The following ST6GAL1 variants were observed in gnomAD, a reference collection of about 807,000 sequenced individuals.
ST6GAL1 encodes the protein beta-galactoside alpha-2,6-sialyltransferase 1.
Under a neutral mutation model 38.0 loss-of-function variants are expected in ST6GAL1, and 20 were observed. That is an observed-to-expected ratio of 0.53 (90% CI 0.37 to 0.77). The LOEUF (loss-of-function observed/expected upper bound fraction) is 0.77, where lower values mean the gene tolerates loss of function less well. Among genes scored for constraint, ST6GAL1 ranks in the 30% least tolerant of loss-of-function variants. The pLI is 0.00. For missense variants in ST6GAL1, 432 were observed against 496.4 expected (o/e 0.87, Z 1.23); for synonymous variants, 196 against 188.2 (o/e 1.04, Z -0.34).
In ST6GAL1 at chr3:187,051,178, C is replaced by T. The variant is rs1718500186; in HGVS notation, c.608-71C>T. 4 of 1,365,296 alleles carry T rather than the reference C, an allele frequency of 2.9e-6. No individual in the cohort carries two copies. The Admixed American group carries it at 5.1e-5, about 17-fold the overall frequency. The allele number at this position is 1,365,296 out of a possible 1,614,324, so 84.6% of individuals were successfully genotyped here. A position where few individuals can be genotyped will look rare whatever the true frequency, so the allele number is the denominator to read the frequency against. On this transcript the variant is annotated intron_variant, in intron 4 of 7. Coordinates refer to ENST00000169298, the MANE Select transcript of ST6GAL1 (RefSeq NM_173216.2). Reference sequence around the variant, plus strand: ...ATTATTCCCTTGCCCCCTCCCCCGCCTCTCGTCTTTCTCTTTTTCTGCATA... The same window carrying T: ...ATTATTCCCTTGCCCCCTCCCCCGCTTCTCGTCTTTCTCTTTTTCTGCATA...
At position 186,948,397 on chromosome 3, in the gene ST6GAL1, C is replaced by T. The variant is rs367581489; in HGVS notation, c.-324-15388C>T. Among the ~76,000 whole-genome samples, 126 of 152,338 alleles carry T rather than the reference C, an allele frequency of 8.3e-4. 1 individual carries two copies. Among genetic ancestry groups the T allele is most frequent in the African/African-American group, 2.9e-3 (120 of 41,574 alleles). On this transcript the variant is annotated intron_variant, in intron 1 of 7. Transcript: ENST00000169298. Reference sequence around the variant, plus strand: ...TGGGCTTCTGACAACACTTATCAAACTGGGCGGGCAGCCAGACCTCTGCTC... The same window carrying T: ...TGGGCTTCTGACAACACTTATCAAATTGGGCGGGCAGCCAGACCTCTGCTC...
intron 1 of ST6GAL1, among the ~76,000 whole-genome samples, chr3:186,949,240 G>A (rs1040317696): frequency 3.3e-5 from 5 of 152,196 alleles, no homozygotes; most frequent in African/African-American, 1.2e-4. Flanking sequence ...AGGGTCATAG[G>A]AATTTGTTCC....
intron 2 of ST6GAL1, among the ~76,000 whole-genome samples, chr3:186,966,198 C>T (rs1048935979): frequency 6.6e-5 from 10 of 152,162 alleles, no homozygotes; most frequent in African/African-American, 2.4e-4. Flanking sequence ...TCGTGCCCGA[C>T]CTAACTGAGA....
At position 187,042,688 on chromosome 3, in the gene ST6GAL1, T is replaced by G. The variant is rs1226663317; in HGVS notation, c.-16T>G. 1 of 1,592,092 alleles carries G rather than the reference T, an allele frequency of 6.3e-7. No individual in the cohort carries two copies. The highest frequency in any genetic ancestry group is 1.8e-5 in the Admixed American group (1 of 56,190). Reference sequence around the variant, plus strand: ...CCTGCTCAGAACAAAGTGACTTCCCTGAACACATCTTCATTATGATTCACA... The same window carrying G: ...CCTGCTCAGAACAAAGTGACTTCCCGGAACACATCTTCATTATGATTCACA... On this transcript the variant is annotated 5_prime_UTR_variant, in exon 4 of 8. Coordinates refer to ENST00000169298, the MANE Select transcript of ST6GAL1 (RefSeq NM_173216.2).
intron 1 of ST6GAL1, among the ~76,000 whole-genome samples, chr3:186,958,323 TTAA>T (rs762902972): frequency 3.9e-5 from 6 of 152,220 alleles, no homozygotes; most frequent in Non-Finnish European, 8.8e-5. Context: ...ATAATGTAAC[TTAA>T]TAATATAGCT....
In ST6GAL1 at chr3:187,075,827, A is replaced by C; in HGVS notation, c.*24A>C. 6.2e-7 allele frequency: 1 copy of C among 1,611,906 alleles called. No homozygotes were observed. Among genetic ancestry groups the C allele is most frequent in the Non-Finnish European group, 8.5e-7 (1 of 1,178,304 alleles). ...AAGCACAGGCTCCTCACTCTTCTCC[A>C]TCAGGCATTAAATGAATGGTCTCTT... On this transcript the variant is annotated 3_prime_UTR_variant, in exon 8 of 8. Coordinates refer to ENST00000169298, the MANE Select transcript of ST6GAL1 (RefSeq NM_173216.2). This position sits in a 1 kb window ranked among gnomAD's most constrained non-coding sequence, Gnocchi z 4.1.
At chr3:186,939,068 CTT>C (rs59211382) in intron 1 of ST6GAL1, among the ~76,000 whole-genome samples, 5 of 135,546 alleles carry the variant, frequency 3.7e-5, no homozygotes, top group Admixed American at 7.4e-5. Flanking sequence ...AACCTGGGAC[CTT>C]TTTTTTTTTT....
At chr3:187,047,678 G>A (rs1718346582) in intron 4 of ST6GAL1, among the ~76,000 whole-genome samples, 1 of 151,944 alleles carries the variant, frequency 6.6e-6, no homozygotes, top group Non-Finnish European at 1.5e-5. Flanking sequence ...GATTTCTCTT[G>A]GTGATTTCTT....
At chr3:187,050,766 A>G (rs1211130181) in intron 4 of ST6GAL1, among the ~76,000 whole-genome samples, 1 of 152,066 alleles carries the variant, frequency 6.6e-6, no homozygotes, top group Non-Finnish European at 1.5e-5. Flanking sequence ...AATCCTGTCC[A>G]TTTGCTGAGC....
chr3:186,991,030 G>C (rs563739625), intron 2 of ST6GAL1, among the ~76,000 whole-genome samples: 14 of 152,220 alleles, frequency 9.2e-5, no homozygotes, highest in African/African-American at 3.4e-4. Flanking sequence ...TTTGTGCTTG[G>C]TGGTAGCTAA....
chr3:187,067,182 G>A (rs982000086), intron 5 of ST6GAL1, among the ~76,000 whole-genome samples: 9 of 147,954 alleles, frequency 6.1e-5, no homozygotes, highest in Non-Finnish European at 7.4e-5. Flanking sequence ...TGCCTCCGGG[G>A]TTCAAGCGAT....
intron 2 of ST6GAL1, among the ~76,000 whole-genome samples, chr3:187,036,547 A>G (rs185981186): frequency 2.7e-4 from 41 of 152,338 alleles, no homozygotes; most frequent in African/African-American, 9.6e-4. Flanking sequence ...GTACATATAC[A>G]CTGTGGAATA....
chr3:186,949,561 C>T (rs1013013910), intron 1 of ST6GAL1, among the ~76,000 whole-genome samples: 2 of 152,218 alleles, frequency 1.3e-5, no homozygotes, highest in Admixed American at 1.3e-4. Flanking sequence ...AAAGGCGTCT[C>T]ACAGGGAATC....
chr3:187,039,381 G>T (rs918672979), intron 3 of ST6GAL1, among the ~76,000 whole-genome samples: 2 of 152,160 alleles, frequency 1.3e-5, no homozygotes, highest in Admixed American at 1.3e-4. Context: ...CACTGTGCTG[G>T]GTACTAGGGT....
In ST6GAL1 at chr3:187,025,013, G is replaced by GTGTGTGTCTGTGTGTC. The variant is rs1553827945; in HGVS notation, c.-182-13714_-182-13713insCTGTGTGTCTGTGTGT. 1.6e-3 allele frequency among the ~76,000 whole-genome samples: 235 copies of GTGTGTGTCTGTGTGTC among 151,370 alleles called. 2 individuals are homozygous for GTGTGTGTCTGTGTGTC. Among genetic ancestry groups the GTGTGTGTCTGTGTGTC allele is most frequent in the African/African-American group, 2.7e-3 (111 of 41,148 alleles). The stretch of plus-strand genomic sequence containing the variant: ...CGTGTGTGTGTGTGTGTGTGTGTGT[G>GTGTGTGTCTGTGTGTC]TGTGTGTCTGTGTGTGTGTGTCTCA... On this transcript the variant is annotated intron_variant, in intron 2 of 7. Coordinates refer to ENST00000169298, the MANE Select transcript of ST6GAL1 (RefSeq NM_173216.2).
At position 186,985,607 on chromosome 3, in the gene ST6GAL1, TAA is replaced by T. The variant is rs34935712; in HGVS notation, c.-183+21698_-183+21699del. ...GGCGAAACCCCGTCTCTTCAAAAAG[TAA>T]AAAAAAAAAAAAAAAATTAGCTGGT... On this transcript the variant is annotated intron_variant, in intron 2 of 7. Coordinates refer to ENST00000169298, the MANE Select transcript of ST6GAL1 (RefSeq NM_173216.2). 1.9e-3 allele frequency among the ~76,000 whole-genome samples: 229 copies of T among 122,676 alleles called. 2 individuals are homozygous for T. The highest frequency in any genetic ancestry group is 4.2e-3 in the African/African-American group (143 of 33,710). The allele number at this position is 122,676 out of a possible 152,430, so 80.5% of individuals were successfully genotyped here.
At chr3:187,024,988 C>CGTGTGTGTGTGTGTGTGT (rs144330370) in intron 2 of ST6GAL1, 3 of 145,576 alleles carry the variant, frequency 2.1e-5, no homozygotes, top group African/African-American at 5.1e-5. Flanking sequence ...GAACCTGGTG[C>CGTGTGTGTGTGTGTGTGT]GTGTGTGTGT....
At chr3:186,965,939 C>T (rs996813585) in intron 2 of ST6GAL1, among the ~76,000 whole-genome samples, 17 of 152,174 alleles carry the variant, frequency 1.1e-4, no homozygotes, top group Admixed American at 8.5e-4. Context: ...CGCTCTGTTG[C>T]GCAGGCTGCA....
chr3:186,976,700 G>A (rs1219497438), intron 2 of ST6GAL1, among the ~76,000 whole-genome samples: 1 of 152,206 alleles, frequency 6.6e-6, no homozygotes, highest in African/African-American at 2.4e-5. Flanking sequence ...AAAGTGCTGA[G>A]ATTACAGGCA....
Sources: gnomAD v4.1 joint callset for allele counts (sites outside exome capture counted in the v4.1 genomes callset) on GRCh38, gnomAD v4.1.1 for gene constraint, Gnocchi (gnomAD v3.1) non-coding constraint, MANE v1.5 for transcripts, NCBI Gene and HGNC (gene_info 2026-07-23, HGNC 2026-07-21) for gene names.